ACADVL: variants seen among roughly 807,000 people sequenced by gnomAD.
The protein encoded by ACADVL is acyl-CoA dehydrogenase very long chain.
A neutral mutation model predicts 80.4 loss-of-function variants in ACADVL; 73 were observed. That is an observed-to-expected ratio of 0.91 (90% confidence interval 0.75 to 1.10). The LOEUF is 1.10. Ranked by LOEUF, ACADVL falls within the 50% of genes least tolerant of loss-of-function variation. The pLI is 0.00. For synonymous variants in ACADVL, 392 were observed against 326.5 expected, an observed-to-expected ratio of 1.20 and a Z score of -2.16; for missense variants, 878 against 858.9, an observed-to-expected ratio of 1.02 and a Z score of -0.28.
chr17:7,217,679 G>A (rs980177734), upstream of ACADVL: 9 of 1,472,540 alleles, frequency 6.1e-6, no homozygotes, highest in African/African-American at 2.9e-5. Flanking sequence ...GAATGGGGGG[G>A]GTGCCTTGGC....
rs1179668719 is a variant in ACADVL at position 7,224,958 on chromosome 17, C to T, written c.1829C>T (p.Ala610Val). The T allele has an allele frequency of 6.2e-7, 1 of 1,613,964 alleles. No homozygotes were observed. Among genetic ancestry groups the T allele is most frequent in the African/African-American group, 1.3e-5 (1 of 74,936 alleles). Reference protein sequence around the residue: ...KMLCDTWCIEAAARIREGMAA... With the variant: ...KMLCDTWCIEVAARIREGMAA... ...CAACCCCTCCTTCCCTCTCCCCAGG[C>T]TGCAGCTCGGATCCGAGAGGGCATG... Residue 610 changes from alanine (A) to valine (V), a missense_variant and splice_region_variant, in exon 20 of 20, where the codon GCT becomes GTT. Coordinates refer to ENST00000356839, the MANE Select transcript of ACADVL (RefSeq NM_000018.4).
Position 7,222,876 on chromosome 17 carries a change from T to A in ACADVL, c.1077+11T>A, listed in dbSNP as rs1039438074. 5 of 1,609,932 alleles carry A rather than the reference T, an allele frequency of 3.1e-6. No homozygotes were observed. Among genetic ancestry groups the A allele is most frequent in the Non-Finnish European group, 4.2e-6 (5 of 1,179,956 alleles). ...ATCATTGCTAAGGCGGTGAGTACCC[T>A]GCCCGAGTCCCTAGGTAACCCAAAC... On this transcript the variant is annotated intron_variant, in intron 10 of 19. Coordinates refer to ENST00000356839, the MANE Select transcript of ACADVL (RefSeq NM_000018.4).
rs748329498 is a variant in ACADVL at position 7,221,682 on chromosome 17, G to A, written c.622G>A (p.Gly208Arg). The change falls in exon 7 of 20, where the codon GGG (glycine) becomes AGG (arginine). Residue 208 changes from glycine to arginine, a missense_variant and splice_region_variant. Coordinates refer to ENST00000356839, the MANE Select transcript of ACADVL (RefSeq NM_000018.4). ...AAAATACCTCCCCAAGCTGGCATCT[G>A]GTGAGGCAACCCTAGGAGAGCCAGG... is the stretch of plus-strand genomic sequence containing the variant. ...KEKYLPKLAS[G>R]ETVAAFCLTE... 1.2e-6 allele frequency: 2 copies of A among 1,613,678 alleles called. No homozygotes were observed. Among genetic ancestry groups the A allele is most frequent in the African/African-American group, 2.7e-5 (2 of 74,920 alleles).
Position 7,225,226 on chromosome 17 carries a change from C to A in ACADVL, c.*129C>A. On this transcript the variant is annotated 3_prime_UTR_variant, in exon 20 of 20. Coordinates refer to ENST00000356839, the MANE Select transcript of ACADVL (RefSeq NM_000018.4). ...CCAGCACTGTGCCTGCTCTCAAGAG[C>A]ACTTACTGCCTCGCAAATAATAAAA... 8.0e-7 allele frequency: 1 copy of A among 1,257,846 alleles called. No individual in the cohort carries two copies. The allele number at this position is 1,257,846 out of a possible 1,614,324, so 77.9% of individuals were successfully genotyped here. A position where few individuals can be genotyped will look rare whatever the true frequency, so the allele number is the denominator to read the frequency against.
In ACADVL at chr17:7,224,619, CCCCCA is replaced by C; in HGVS notation, c.1679-15_1679-11del. ...CTTGAGACTAATGCCCCCACCCCCA[CCCCCA>C]CCCCACCTACCGGACAGATGAACAG... is the stretch of plus-strand genomic sequence containing the variant. On this transcript the variant is annotated intron_variant, in intron 17 of 19. Transcript: ENST00000356839. 1 of 1,459,986 alleles carries C rather than the reference CCCCCA, an allele frequency of 6.8e-7. No homozygotes were observed. Among genetic ancestry groups the C allele is most frequent in the Admixed American group, 2.0e-5 (1 of 49,736 alleles). The allele number at this position is 1,459,986 out of a possible 1,614,324, so 90.4% of individuals were successfully genotyped here.
In ACADVL at chr17:7,220,996, C is replaced by T. The variant is rs1386263962; in HGVS notation, c.415C>T (p.Leu139=). Residue 139 remains leucine, a synonymous_variant, in exon 6 of 20, where the codon CTG becomes TTG. Coordinates refer to ENST00000356839, the MANE Select transcript of ACADVL (RefSeq NM_000018.4). ...EETTWQGLKE[L]GAFGLQVPSE... ...GACCACTTGGCAGGGCCTCAAGGAGCTGGGGGCCTTTGGTCTGCAAGTGCC... is the reference window on the plus strand; with the variant it reads ...GACCACTTGGCAGGGCCTCAAGGAGTTGGGGGCCTTTGGTCTGCAAGTGCC... The T allele has an allele frequency of 6.2e-7, 1 of 1,614,054 alleles. No individual in the cohort carries two copies. The highest frequency in any genetic ancestry group is 8.5e-7 in the Non-Finnish European group (1 of 1,180,018).
chr17:7,222,168 C>G lies in ACADVL; in HGVS notation c.753-9C>G, dbSNP rs1262931604. 1 of 1,614,180 alleles carries G rather than the reference C, an allele frequency of 6.2e-7. No homozygotes were observed. The highest frequency in any genetic ancestry group is 1.6e-4 in the Middle Eastern group (1 of 6,062). ...TCCTCCACGCCCTGAATATCCCATT[C>G]TTCCACAGTAATGGGGGCCTAGCAG... On this transcript the variant is annotated splice_polypyrimidine_tract_variant and intron_variant, in intron 8 of 19. Coordinates refer to ENST00000356839, the MANE Select transcript of ACADVL (RefSeq NM_000018.4).
chr17:7,223,520 G>A, intron 11 of ACADVL, 124 bp from the exon 12 acceptor site: 1 of 1,085,292 alleles, frequency 9.2e-7, no homozygotes, highest in South Asian at 1.3e-5. Flanking sequence ...AACTGACCCA[G>A]AACAAGTATC....
In ACADVL at chr17:7,221,290, G is replaced by A. The variant is rs536192532; in HGVS notation, c.477+232G>A. Reference sequence around the variant, plus strand: ...AGTCCTTACAAATCTCTAAGTTGGGGATTGCCTAACAATAGACTGACTAGT... The same window carrying A: ...AGTCCTTACAAATCTCTAAGTTGGGAATTGCCTAACAATAGACTGACTAGT... On this transcript the variant is annotated intron_variant, in intron 6 of 19. Coordinates refer to ENST00000356839, the MANE Select transcript of ACADVL (RefSeq NM_000018.4). The A allele has an allele frequency of 1.8e-4, 165 of 934,516 alleles. No homozygotes were observed. The African/African-American group carries it at 2.1e-3, about 12-fold the overall frequency. The allele number at this position is 934,516 out of a possible 1,614,324, so 57.9% of individuals were successfully genotyped here. A position where few individuals can be genotyped will look rare whatever the true frequency, so the allele number is the denominator to read the frequency against.
Position 7,219,998 on chromosome 17 carries a change from G to A in ACADVL, c.14G>A (p.Arg5Gln). 3.1e-6 allele frequency: 5 copies of A among 1,603,552 alleles called. No individual in the cohort carries two copies. The highest frequency in any genetic ancestry group is 4.2e-6 in the Non-Finnish European group (5 of 1,178,242). MQAA[R>Q]MAASLGRQLL... Reference sequence around the variant, plus strand: ...AGAGATTCGGAGATGCAGGCGGCTCGGATGGCCGCGAGCTTGGGGCGGCAG... The same window carrying A: ...AGAGATTCGGAGATGCAGGCGGCTCAGATGGCCGCGAGCTTGGGGCGGCAG... The change falls in exon 1 of 20, where the codon CGG (arginine) becomes CAG (glutamine). Residue 5 changes from arginine to glutamine, a missense_variant. Coordinates refer to ENST00000356839, the MANE Select transcript of ACADVL (RefSeq NM_000018.4).
At position 7,220,544 on chromosome 17, in the gene ACADVL, G is replaced by A. The variant is rs1404625751; in HGVS notation, c.204+15G>A. 5.6e-6 allele frequency: 9 copies of A among 1,614,106 alleles called. No individual in the cohort carries two copies. The highest frequency in any genetic ancestry group is 8.5e-7 in the Non-Finnish European group (1 of 1,180,038). ...CGGCCAAGGCGGTAGGTAGCCCCGAGGCCAGGTGGACCTTAGCCAGACCCA... is the reference window on the plus strand; with the variant it reads ...CGGCCAAGGCGGTAGGTAGCCCCGAAGCCAGGTGGACCTTAGCCAGACCCA... On this transcript the variant is annotated intron_variant, in intron 3 of 19. Coordinates refer to ENST00000356839, the MANE Select transcript of ACADVL (RefSeq NM_000018.4).
At chr17:7,218,339 C>A, upstream of ACADVL, 1 of 1,550,128 alleles carries the variant, frequency 6.5e-7, no homozygotes, top group East Asian at 2.4e-5. Flanking sequence ...AGGCACATCA[C>A]CCCTGTCATC....
At chr17:7,219,921 T>TGGGCGTGCATGACGC (rs2071101166), upstream of ACADVL, 2 of 1,555,336 alleles carry the variant, frequency 1.3e-6, no homozygotes, top group Non-Finnish European at 1.7e-6. Context: ...CGCCAGGACG[T>TGGGCGTGCATGACGC]GGGCGTGCAG....
upstream of ACADVL, chr17:7,217,360 TC>T: frequency 5.7e-6 from 1 of 175,310 alleles, no homozygotes; most frequent in Non-Finnish European, 8.3e-6. Flanking sequence ...TAAAAGGGGC[TC>T]CCCAGTGGAG....
rs567176096 is a variant in ACADVL at position 7,220,006 on chromosome 17, G to T, written c.22G>T (p.Ala8Ser). 6.2e-7 allele frequency: 1 copy of T among 1,604,368 alleles called. No individual in the cohort carries two copies. Among genetic ancestry groups the T allele is most frequent in the Non-Finnish European group, 8.5e-7 (1 of 1,178,570 alleles). Residue 8 changes from alanine (A) to serine (S), a missense_variant, in exon 1 of 20, where the codon GCG becomes TCG. By Grantham distance (99) the Ala-to-Ser change is moderately conservative. Transcript: ENST00000356839. The part of the protein sequence containing the change: MQAARMA[A>S]SLGRQLLRLG... ...GGAGATGCAGGCGGCTCGGATGGCC[G>T]CGAGCTTGGGGCGGCAGCTGCTGAG... is the stretch of plus-strand genomic sequence containing the variant.
chr17:7,223,519 A>G, intron 11 of ACADVL, 125 bp from the exon 12 acceptor site: 1 of 1,073,948 alleles, frequency 9.3e-7, no homozygotes, highest in Non-Finnish European at 1.4e-6. Flanking sequence ...GAACTGACCC[A>G]GAACAAGTAT....
chr17:7,217,649 A>C, upstream of ACADVL: 5 of 796,226 alleles, frequency 6.3e-6, no homozygotes, highest in Non-Finnish European at 8.8e-6. Flanking sequence ...AGGGGGAGGG[A>C]GGGAGGGAGC....
intron 7 of ACADVL, 131 bp downstream of exon 7, chr17:7,221,813 T>C (rs1050628881): frequency 1.3e-6 from 2 of 1,585,708 alleles, no homozygotes; most frequent in African/African-American, 2.7e-5. Flanking sequence ...GGCATCACAG[T>C]GTGCTGGTTG....
rs760914493 is a variant in ACADVL at position 7,221,534 on chromosome 17, C to T, written c.478-4C>T. 4.3e-6 allele frequency: 7 copies of T among 1,614,110 alleles called. No individual in the cohort carries two copies. In the South Asian group the frequency reaches 7.7e-5, roughly 18 times the overall value. Reference sequence around the variant, plus strand: ...ACAACCCCAGATTCCTGCTTCCCCTCCAGTACGCCCGTTTGGTGGAGATCG... The same window carrying T: ...ACAACCCCAGATTCCTGCTTCCCCTTCAGTACGCCCGTTTGGTGGAGATCG... On this transcript the variant is annotated splice_region_variant and splice_polypyrimidine_tract_variant and intron_variant, in intron 6 of 19. Coordinates refer to ENST00000356839, the MANE Select transcript of ACADVL (RefSeq NM_000018.4).
Sources: gnomAD v4.1 joint callset for allele counts on GRCh38, gnomAD v4.1.1 for gene constraint, MANE v1.5 for transcripts, NCBI Gene and HGNC (gene_info 2026-07-23, HGNC 2026-07-21) for gene names.